MMP28: variants seen among roughly 807,000 people sequenced by gnomAD.
MMP28 encodes the protein matrix metallopeptidase 28.
MMP28 carries 55 observed loss-of-function variants against 60.5 expected under a neutral mutation model. That is an observed-to-expected ratio of 0.91 (90% CI 0.73 to 1.14). MMP28 has a LOEUF of 1.14. Among genes scored for constraint, MMP28 ranks in the 50% most tolerant of loss-of-function variants. The pLI, the probability that MMP28 is intolerant of heterozygous loss-of-function variation, is 0.00. For synonymous variants in MMP28, 318 were observed against 312.5 expected (o/e 1.02, Z -0.18); for missense variants, 686 against 738.3 (o/e 0.93, Z 0.82).
chr17:35,770,110 C>A lies in MMP28; in HGVS notation c.807G>T (p.Ala269=). Residue 269 remains alanine (A), a synonymous_variant, in exon 5 of 8, where the codon GCG becomes GCT. Transcript: ENST00000605424. Reference sequence around the variant, plus strand: ...CCAGCACGTCGTCCCAGCTGAGCAGCGCGTCGCGGCCCAGCCTCTTGTAGT... The same window carrying A: ...CCAGCACGTCGTCCCAGCTGAGCAGAGCGTCGCGGCCCAGCCTCTTGTAGT... ...APYYKRLGRD[A]LLSWDDVLAV... is the part of the protein sequence containing the mutation. 1 of 1,603,426 alleles carries A rather than the reference C, an allele frequency of 6.2e-7. No homozygotes were observed. The highest frequency in any genetic ancestry group is 8.5e-7 in the Non-Finnish European group (1 of 1,175,730).
At chr17:35,784,238 C>T (rs1354948801) in intron 1 of MMP28, among the ~76,000 whole-genome samples, 1 of 146,346 alleles carries the variant, frequency 6.8e-6, no homozygotes, top group Non-Finnish European at 1.5e-5. Flanking sequence ...GCCCAGATCA[C>T]AACACTGCAC....
chr17:35,772,846 C>T (rs187249258), intron 4 of MMP28, among the ~76,000 whole-genome samples: 8 of 152,114 alleles, frequency 5.3e-5, no homozygotes, highest in African/African-American at 1.9e-4. Context: ...GAGTGAACAT[C>T]CACTCTGGAG....
At chr17:35,777,346 G>A (rs1449018997) in intron 3 of MMP28, among the ~76,000 whole-genome samples, 2 of 152,180 alleles carry the variant, frequency 1.3e-5, no homozygotes. Context: ...GACACCAAGG[G>A]CATCCTGACT....
chr17:35,771,076 A>AAAC (rs773888341), intron 4 of MMP28, among the ~76,000 whole-genome samples: 27 of 151,874 alleles, frequency 1.8e-4, no homozygotes, highest in Admixed American at 6.6e-4. Flanking sequence ...AACAACCACG[A>AAAC]AACAACAACA....
chr17:35,767,400 A>T (rs2085979446), intron 7 of MMP28, among the ~76,000 whole-genome samples: 1 of 152,156 alleles, frequency 6.6e-6, no homozygotes, highest in Middle Eastern at 3.2e-3. Context: ...TGTTTTCCCC[A>T]TTCGAGAAAT....
chr17:35,791,016 C>T (rs1177055619), intron 1 of MMP28, among the ~76,000 whole-genome samples: 2 of 151,742 alleles, frequency 1.3e-5, no homozygotes, highest in Admixed American at 6.6e-5. Context: ...AGGTATGAGT[C>T]ACTGTGCCCA....
intron 4 of MMP28, among the ~76,000 whole-genome samples, chr17:35,771,889 A>G (rs1270331857): frequency 6.6e-6 from 1 of 151,272 alleles, no homozygotes; most frequent in Non-Finnish European, 1.5e-5. Flanking sequence ...GGAGCTTATT[A>G]GATGTGCAGG....
intron 1 of MMP28, among the ~76,000 whole-genome samples, chr17:35,784,607 G>A: frequency 6.6e-6 from 1 of 152,272 alleles, no homozygotes; most frequent in East Asian, 1.9e-4. Flanking sequence ...GAAGGAGCAG[G>A]GGTGTGGGGT....
At position 35,770,047 on chromosome 17, in the gene MMP28, G is replaced by A. The variant is rs576461806; in HGVS notation, c.850+20C>T. The A allele has an allele frequency of 6.9e-4, 1,054 of 1,530,392 alleles. 13 individuals carry two copies. In the South Asian group the frequency reaches 0.013, roughly 18 times the overall value. 94.8% of individuals were successfully genotyped at this position (1,530,392 alleles called of 1,614,324 possible). A position where few individuals can be genotyped will look rare whatever the true frequency, so the allele number is the denominator to read the frequency against. ...GGGGCAGGAGTGGGACCAAGAGCGG[G>A]GCATGTCCCGGGGCCTCACCATACA... On this transcript the variant is annotated intron_variant, in intron 5 of 7. Transcript: ENST00000605424.
Position 35,794,760 on chromosome 17 carries a change from G to T in MMP28, c.111+507C>A, listed in dbSNP as rs1250783669. Among the ~76,000 whole-genome samples, 6 of 152,236 alleles carry T rather than the reference G, an allele frequency of 3.9e-5. No individual in the cohort carries two copies. The East Asian group carries it at 1.2e-3, about 29-fold the overall frequency. Reference sequence around the variant, plus strand: ...CAACTCTTGAGAGTATACTACTCTTGCCCATTTTACAGACAGAAAAACTAG... The same window carrying T: ...CAACTCTTGAGAGTATACTACTCTTTCCCATTTTACAGACAGAAAAACTAG... On this transcript the variant is annotated intron_variant, in intron 1 of 7. Transcript: ENST00000605424.
Position 35,768,393 on chromosome 17 carries a change from G to A in MMP28, c.851-14C>T. Reference sequence around the variant, plus strand: ...CTAGGGGCTTCCCTTTGTGAGTAAGGAAATAAGAGAGAGAGAGAACACACA... The same window carrying A: ...CTAGGGGCTTCCCTTTGTGAGTAAGAAAATAAGAGAGAGAGAGAACACACA... On this transcript the variant is annotated splice_polypyrimidine_tract_variant and intron_variant, in intron 5 of 7. Transcript: ENST00000605424. 1 of 1,584,758 alleles carries A rather than the reference G, an allele frequency of 6.3e-7. No individual in the cohort carries two copies. Among genetic ancestry groups the A allele is most frequent in the Non-Finnish European group, 8.6e-7 (1 of 1,167,596 alleles).
chr17:35,793,073 A>G (rs910432485), intron 1 of MMP28, among the ~76,000 whole-genome samples: 35 of 152,284 alleles, frequency 2.3e-4, no homozygotes, highest in African/African-American at 8.4e-4. Flanking sequence ...ATGTATATAT[A>G]CACACACACG....
At chr17:35,771,724 T>TC (rs2086155212) in intron 4 of MMP28, among the ~76,000 whole-genome samples, 1 of 83,508 alleles carries the variant, frequency 1.2e-5, no homozygotes, top group Admixed American at 1.2e-4. Context: ...TATATATATA[T>TC]ATATATATAT....
At chr17:35,761,138 C>T (rs1448010436), downstream of MMP28, among the ~76,000 whole-genome samples, 7 of 140,710 alleles carry the variant, frequency 5.0e-5, no homozygotes, top group Non-Finnish European at 1.1e-4. Context: ...GAGTCTTGCT[C>T]TATCACCCAG....
chr17:35,768,711 G>A (rs549203426), intron 5 of MMP28, among the ~76,000 whole-genome samples: 2 of 152,326 alleles, frequency 1.3e-5, no homozygotes, highest in East Asian at 3.9e-4. Flanking sequence ...TTGGGAGGCT[G>A]AGGCAGGAGA....
chr17:35,769,364 G>A (rs768589469), intron 5 of MMP28, among the ~76,000 whole-genome samples: 12 of 152,218 alleles, frequency 7.9e-5, no homozygotes, highest in Non-Finnish European at 1.6e-4. Flanking sequence ...AGGTAAGCAG[G>A]ACCTCAGTTG....
chr17:35,761,136 C>T (rs1168419505), downstream of MMP28, among the ~76,000 whole-genome samples: 1 of 141,280 alleles, frequency 7.1e-6, no homozygotes, highest in Non-Finnish European at 1.5e-5. Context: ...TAGAGTCTTG[C>T]TCTATCACCC....
chr17:35,763,237 C>A (rs2085859912), downstream of MMP28, among the ~76,000 whole-genome samples: 1 of 152,034 alleles, frequency 6.6e-6, no homozygotes, highest in African/African-American at 2.4e-5. Context: ...AGTTCAGAGA[C>A]CAGCCTGGAC....
At chr17:35,792,938 G>A (rs1426258013) in intron 1 of MMP28, among the ~76,000 whole-genome samples, 1 of 152,118 alleles carries the variant, frequency 6.6e-6, no homozygotes, top group Non-Finnish European at 1.5e-5. Flanking sequence ...GTTTATAGAG[G>A]TTAAATGAGT....
Sources: allele counts gnomAD v4.1 joint callset (sites outside exome capture counted in the v4.1 genomes callset), GRCh38; gene constraint gnomAD v4.1.1; transcripts MANE v1.5; gene names NCBI Gene and HGNC (gene_info 2026-07-23, HGNC 2026-07-21).